Variants in OPTC observed in about 807,000 individuals in gnomAD.
OPTC encodes the protein oculoglycan.
A neutral mutation model predicts 25.4 loss-of-function variants in OPTC; 22 were observed. The observed-to-expected ratio is 0.87, with a 90% CI of 0.62 to 1.24. OPTC has a LOEUF of 1.24. Among genes scored for constraint, OPTC ranks in the 50% most tolerant of loss-of-function variants. OPTC has a pLI of 0.00. For missense variants in OPTC, 417 were observed against 425.2 expected, an observed-to-expected ratio of 0.98 and a Z score of 0.17; for synonymous variants, 169 against 179.3, an observed-to-expected ratio of 0.94 and a Z score of 0.46.
chr1:203,497,111 C>G lies in OPTC; in HGVS notation c.366C>G (p.Asn122Lys), dbSNP rs1219907527. Residue 122 changes from asparagine (N) to lysine (K), a missense_variant, in exon 3 of 8, where the codon AAC becomes AAG. Physicochemically the swap from Asn to Lys is moderately conservative, Grantham distance 94. Coordinates refer to ENST00000367222, the MANE Select transcript of OPTC (RefSeq NM_014359.4). ...GGCTGCTACTGAGTTCCCAGCCCAA[C>G]CATGGTAAGTGCACAGTCACATGGT... ...TAGLLLSSQPNHGLPTCLVCV... is the reference protein window; with the variant it reads ...TAGLLLSSQPKHGLPTCLVCV... 6.2e-7 allele frequency: 1 copy of G among 1,614,008 alleles called. No homozygotes were observed. Among genetic ancestry groups the G allele is most frequent in the Non-Finnish European group, 8.5e-7 (1 of 1,180,020 alleles).
chr1:203,506,905 GTTTC>G (rs1661499841), intron 7 of OPTC, among the ~76,000 whole-genome samples: 1 of 152,228 alleles, frequency 6.6e-6, no homozygotes, highest in African/African-American at 2.4e-5. Context: ...GCTCCAGAGA[GTTTC>G]TTTCCCCAGG....
At chr1:203,506,718 T>C (rs1661496119) in intron 7 of OPTC, among the ~76,000 whole-genome samples, 1 of 152,200 alleles carries the variant, frequency 6.6e-6, no homozygotes, top group Non-Finnish European at 1.5e-5. Context: ...GGGATGCTCA[T>C]CTTCAGACTG....
intron 7 of OPTC, among the ~76,000 whole-genome samples, chr1:203,506,705 G>A (rs1002091552): frequency 2.5e-4 from 38 of 152,182 alleles, no homozygotes; most frequent in Admixed American, 2.1e-3. Flanking sequence ...ACCCTAGTGA[G>A]TAGGGATGCT....
chr1:203,503,878 A>G (rs928396919), intron 7 of OPTC, 133 bp downstream of exon 7: 2 of 761,726 alleles, frequency 2.6e-6, no homozygotes, highest in East Asian at 2.7e-5. Flanking sequence ...ACACATGCAC[A>G]CGCATGCATA....
At chr1:203,501,057 T>C (rs74763694) in intron 5 of OPTC, among the ~76,000 whole-genome samples, 1 of 152,334 alleles carries the variant, frequency 6.6e-6, no homozygotes, top group East Asian at 1.9e-4. Flanking sequence ...AGTAAGTGAC[T>C]GATGAATCAT....
chr1:203,500,726 T>A (rs28635593), intron 5 of OPTC, among the ~76,000 whole-genome samples: 32,480 of 152,122 alleles, frequency 0.21, 3,718 homozygotes, highest in Non-Finnish European at 0.27. Context: ...AATAAGCATT[T>A]CTTTTGAGCA....
chr1:203,497,282 G>GA (rs1353594915), intron 3 of OPTC, among the ~76,000 whole-genome samples, 167 bp downstream of exon 3: 13 of 152,124 alleles, frequency 8.5e-5, no homozygotes, highest in Non-Finnish European at 1.6e-4. Flanking sequence ...GTAAGAACAG[G>GA]AAAAAAGAAA....
chr1:203,497,895 C>T (rs536679457), intron 3 of OPTC, among the ~76,000 whole-genome samples: 2 of 152,200 alleles, frequency 1.3e-5, no homozygotes, highest in Non-Finnish European at 2.9e-5. Context: ...TCTACCCACT[C>T]CTCCTGGTCA....
chr1:203,502,973 G>C lies in OPTC; in HGVS notation c.792G>C (p.Gly264=), dbSNP rs374044595. 1.5e-5 allele frequency: 25 copies of C among 1,613,848 alleles called. No homozygotes were observed. The African/African-American group carries it at 3.2e-4, about 21-fold the overall frequency. The stretch of plus-strand genomic sequence containing the variant: ...ACAACCTGCTGGATTCTATCCCGGG[G>C]CCTTTGCCCCTGAGCCTGCGCTCTG... The part of the protein sequence containing the change: ...LSDNLLDSIP[G]PLPLSLRSVH... Residue 264 remains glycine (G), a synonymous_variant, in exon 6 of 8, where the codon GGG becomes GGC. Transcript: ENST00000367222.
intron 5 of OPTC, 46 bp from the exon 6 acceptor site, chr1:203,502,868 T>G: frequency 2.0e-6 from 3 of 1,481,998 alleles, no homozygotes; most frequent in Non-Finnish European, 2.8e-6. Context: ...ACTGCCAGGG[T>G]CCAACAGGAC....
intron 7 of OPTC, 142 bp downstream of exon 7, chr1:203,503,887 T>C (rs1049573078): frequency 4.1e-6 from 3 of 736,982 alleles, no homozygotes; most frequent in South Asian, 1.5e-5. Context: ...CACGCATGCA[T>C]ACACACACAC....
At chr1:203,494,640 C>A (rs2102217684) in intron 1 of OPTC, among the ~76,000 whole-genome samples, 1 of 151,784 alleles carries the variant, frequency 6.6e-6, no homozygotes, top group East Asian at 1.9e-4. Flanking sequence ...CAGAGTGACA[C>A]CGTCTTAAAA....
intron 3 of OPTC, 140 bp from the exon 4 acceptor site, chr1:203,498,541 G>A: frequency 1.1e-6 from 1 of 930,420 alleles, no homozygotes; most frequent in Non-Finnish European, 1.7e-6. Flanking sequence ...CGTGTACATG[G>A]TGCCCGTCAG....
chr1:203,501,295 T>G (rs898467287), intron 5 of OPTC, among the ~76,000 whole-genome samples: 12 of 152,148 alleles, frequency 7.9e-5, no homozygotes, highest in Non-Finnish European at 1.5e-4. Context: ...GAGATGGGGT[T>G]TCACCATGTT....
intron 5 of OPTC, among the ~76,000 whole-genome samples, chr1:203,500,177 CCACCACCA>C (rs1661361220): frequency 9.9e-5 from 1 of 10,100 alleles, no homozygotes; most frequent in Non-Finnish European, 2.3e-4. Flanking sequence ...ACCTCCACCA[CCACCACCA>C]CCACCACCAC....
chr1:203,505,031 C>T (rs989026158), intron 7 of OPTC, among the ~76,000 whole-genome samples: 2 of 152,066 alleles, frequency 1.3e-5, no homozygotes, highest in African/African-American at 4.8e-5. Flanking sequence ...TTCTCCTGAC[C>T]GTTATAAGGA....
At chr1:203,508,011 C>T (rs1661524696) in intron 7 of OPTC, among the ~76,000 whole-genome samples, 2 of 152,192 alleles carry the variant, frequency 1.3e-5, no homozygotes, top group African/African-American at 4.8e-5. Flanking sequence ...TTTGGCAGTC[C>T]TAACAACTCT....
At chr1:203,504,660 C>T (rs1339605583) in intron 7 of OPTC, among the ~76,000 whole-genome samples, 1 of 152,204 alleles carries the variant, frequency 6.6e-6, no homozygotes, top group African/African-American at 2.4e-5. Context: ...CCAGGGCCTC[C>T]TGTTAGATTT....
rs375900748 is a variant in OPTC, at chr1:203,496,980, A to T, written c.235A>T (p.Lys79Ter). The T allele has an allele frequency of 1.2e-6, 2 of 1,614,112 alleles. No homozygotes were observed. The highest frequency in any genetic ancestry group is 1.7e-6 in the Non-Finnish European group (2 of 1,180,020). The change falls in exon 3 of 8, where the codon AAG (lysine) becomes TAG (stop). Residue 79 changes from lysine to a stop codon, truncating the protein, a stop_gained. Coordinates refer to ENST00000367222, the MANE Select transcript of OPTC (RefSeq NM_014359.4). LOFTEE classifies it high-confidence loss of function. ...GTACTCTGTGCTACATCTCCAGGTT[A>T]AGGTGACTAGCCTCGCTCCTGCAAC... Reference protein sequence around the residue: ...TDYGDQLPEVKVTSLAPATSI... With the variant: ...TDYGDQLPEV
Sources: allele counts gnomAD v4.1 joint callset (sites outside exome capture counted in the v4.1 genomes callset), GRCh38; gene constraint gnomAD v4.1.1; transcripts MANE v1.5; gene names NCBI Gene and HGNC (gene_info 2026-07-23, HGNC 2026-07-21).